The following SPATA31F3 variants were observed in gnomAD, a reference collection of about 807,000 sequenced individuals.
SPATA31F3 encodes the protein protein SPATA31F3.
At chr9:34,889,455 G>C in the SPATA31F3 span, 1 of 398,626 alleles carries the variant, frequency 2.5e-6, no homozygotes, top group Non-Finnish European at 4.4e-6. Context: ...CTGTGTTGTA[G>C]CTCCCCACAC....
the SPATA31F3 span, chr9:34,889,727 C>T: frequency 5.0e-6 from 2 of 397,488 alleles, no homozygotes; most frequent in African/African-American, 4.1e-5. Context: ...AATTTTGACC[C>T]TGCAAATTTT....
the SPATA31F3 span, chr9:34,894,942 G>T: frequency 2.5e-6 from 1 of 397,856 alleles, no homozygotes; most frequent in South Asian, 1.3e-4. Flanking sequence ...GCAGTGGTTA[G>T]AGCACCTGCT....
At chr9:34,891,191 T>A in the SPATA31F3 span, among the ~76,000 whole-genome samples, 1 of 152,192 alleles carries the variant, frequency 6.6e-6, no homozygotes, top group African/African-American at 2.4e-5. Context: ...TCAAGGCCTG[T>A]CAGTATTCAG....
the SPATA31F3 span, among the ~76,000 whole-genome samples, chr9:34,891,952 G>A: frequency 6.6e-6 from 1 of 152,194 alleles, no homozygotes; most frequent in African/African-American, 2.4e-5. Context: ...GAATGTGGGG[G>A]AAAAGGTGGG....
chr9:34,894,634 A>G, the SPATA31F3 span: 4 of 397,304 alleles, frequency 1.0e-5, no homozygotes, highest in Non-Finnish European at 1.8e-5. Flanking sequence ...ACATCTGTGT[A>G]TAACTTAACC....
the SPATA31F3 span, among the ~76,000 whole-genome samples, chr9:34,892,493 G>A: frequency 6.6e-6 from 1 of 152,184 alleles, no homozygotes; most frequent in Non-Finnish European, 1.5e-5. Context: ...CCTCAGTTGT[G>A]GGAATATGTG....
the SPATA31F3 span, chr9:34,894,322 C>T: frequency 2.5e-6 from 1 of 396,418 alleles, no homozygotes; most frequent in Admixed American, 4.4e-5. Flanking sequence ...GAACCAGCCT[C>T]CACTGTGTAT....
At chr9:34,890,137 A>T in the SPATA31F3 span, among the ~76,000 whole-genome samples, 1 of 152,204 alleles carries the variant, frequency 6.6e-6, no homozygotes, top group East Asian at 1.9e-4. Flanking sequence ...AGTTTTACCT[A>T]AGAAAGATCC....
chr9:34,893,465 G>GT, the SPATA31F3 span, among the ~76,000 whole-genome samples: 30,216 of 151,886 alleles, frequency 0.2, 3,333 homozygotes, highest in East Asian at 0.49. Context: ...GCCAGGCATG[G>GT]TGGCGTATGC....
At chr9:34,893,117 CG>C in the SPATA31F3 span, 1 of 839,970 alleles carries the variant, frequency 1.2e-6, no homozygotes, top group Non-Finnish European at 1.7e-6. Context: ...ACACAGGATT[CG>C]CCGCACACTT....
chr9:34,892,192 A>G, the SPATA31F3 span, among the ~76,000 whole-genome samples: 1 of 152,146 alleles, frequency 6.6e-6, no homozygotes, highest in Non-Finnish European at 1.5e-5. Context: ...GCTGAAAGAG[A>G]GGAGAGGGTA....
At chr9:34,893,211 G>A in the SPATA31F3 span, 1 of 470,886 alleles carries the variant, frequency 2.1e-6, no homozygotes, top group African/African-American at 2.0e-5. Context: ...TCTCGGAAAA[G>A]TGTGGGCCGG....
the SPATA31F3 span, among the ~76,000 whole-genome samples, chr9:34,892,140 C>T: frequency 6.6e-6 from 1 of 152,098 alleles, no homozygotes; most frequent in African/African-American, 2.4e-5. Flanking sequence ...CACATTGAGG[C>T]CTCAGTGCAT....
At chr9:34,889,793 A>T in the SPATA31F3 span, among the ~76,000 whole-genome samples, 1 of 152,132 alleles carries the variant, frequency 6.6e-6, no homozygotes, top group African/African-American at 2.4e-5. Context: ...GATCTGAAAA[A>T]AATTTACCCC....
the SPATA31F3 span, among the ~76,000 whole-genome samples, chr9:34,891,143 C>T: frequency 1.3e-5 from 2 of 152,180 alleles, no homozygotes; most frequent in African/African-American, 4.8e-5. Flanking sequence ...AGCTCAGGAT[C>T]ATCAGTAACA....
chr9:34,889,925 G>A, the SPATA31F3 span, among the ~76,000 whole-genome samples: 4 of 152,070 alleles, frequency 2.6e-5, no homozygotes, highest in Admixed American at 6.6e-5. Flanking sequence ...GAGGTTATTC[G>A]GCTTACTCTA....
chr9:34,893,266 A>G, the SPATA31F3 span: 7 of 427,176 alleles, frequency 1.6e-5, no homozygotes, highest in Non-Finnish European at 2.9e-5. Context: ...TGGAGCCTAC[A>G]CTCTCTTGTT....
chr9:34,893,977 A>G, the SPATA31F3 span, among the ~76,000 whole-genome samples: 1 of 152,320 alleles, frequency 6.6e-6, no homozygotes, highest in East Asian at 1.9e-4. Flanking sequence ...AGAAATCTTA[A>G]GAAGAGGATA....
the SPATA31F3 span, chr9:34,895,134 A>T: frequency 2.5e-6 from 1 of 398,516 alleles, no homozygotes; most frequent in South Asian, 1.3e-4. Flanking sequence ...ATTTTTTCCC[A>T]TATCTAAAAT....
Sources: gnomAD v4.1 joint callset for allele counts (sites outside exome capture counted in the v4.1 genomes callset) on GRCh38, gnomAD v4.1.1 for gene constraint, MANE v1.5 for transcripts, NCBI Gene and HGNC (gene_info 2026-07-23, HGNC 2026-07-21) for gene names.